PANK1: variants seen among roughly 807,000 people sequenced by gnomAD.
PANK1 encodes the protein pantothenic acid kinase 1.
PANK1 carries 18 observed loss-of-function variants against 40.1 expected under a neutral mutation model. The ratio of observed to expected loss-of-function variants is 0.45; its 90% confidence interval spans 0.31 to 0.67. The LOEUF (loss-of-function observed/expected upper bound fraction) is 0.67, where lower values mean the gene tolerates loss of function less well. Among genes scored for constraint, PANK1 ranks in the 30% least tolerant of loss-of-function variants. PANK1 has a pLI of 0.06. For missense variants in PANK1, 457 were observed against 599.6 expected (o/e 0.76, Z 2.48); for synonymous variants, 242 against 237.7 (o/e 1.02, Z -0.17).
chr10:89,616,269 A>G (rs1845311193), intron 1 of PANK1, among the ~76,000 whole-genome samples: 2 of 152,136 alleles, frequency 1.3e-5, no homozygotes, highest in Non-Finnish European at 2.9e-5. Context: ...TTGAGCAACA[A>G]GTTTTAAAGA....
intron 1 of PANK1, among the ~76,000 whole-genome samples, chr10:89,633,808 C>T (rs755262191): frequency 3.9e-5 from 6 of 152,280 alleles, no homozygotes; most frequent in South Asian, 4.2e-4. Context: ...ATCATTAAAT[C>T]TCAGAGTTCA....
In PANK1 at chr10:89,644,626, ATCC is replaced by A. The variant is rs1842060503; in HGVS notation, c.263_265del (p.Arg88del). ...CGGCCTGTTCTTTCTCCCCGAGTCC[ATCC>A]TCCTCCGCAGCCGGCATTTCTTGGC... On this transcript the variant is annotated inframe_deletion, in exon 1 of 7. Coordinates refer to ENST00000307534, the MANE Select transcript of PANK1 (RefSeq NM_148977.3). 6.3e-7 allele frequency: 1 copy of A among 1,588,030 alleles called. No individual in the cohort carries two copies. The highest frequency in any genetic ancestry group is 1.7e-5 in the Admixed American group (1 of 59,226).
intron 2 of PANK1, among the ~76,000 whole-genome samples, chr10:89,604,837 G>A (rs994770061): frequency 1.3e-5 from 2 of 151,540 alleles, no homozygotes; most frequent in Middle Eastern, 3.2e-3. Flanking sequence ...TGCAAGCTCC[G>A]TCTCCCAGGT....
intron 1 of PANK1, among the ~76,000 whole-genome samples, chr10:89,633,950 C>G (rs1219776678): frequency 6.6e-6 from 1 of 152,018 alleles, no homozygotes; most frequent in Non-Finnish European, 1.5e-5. Context: ...ATCTGGCAGG[C>G]AAGAATATTG....
At chr10:89,608,382 A>G (rs112874367) in intron 2 of PANK1, among the ~76,000 whole-genome samples, 28 of 152,232 alleles carry the variant, frequency 1.8e-4, no homozygotes, top group Middle Eastern at 3.4e-3. Context: ...GAGGGGAGGG[A>G]TGGTGGGAAG....
chr10:89,624,265 C>T (rs979626230), intron 1 of PANK1, among the ~76,000 whole-genome samples: 1 of 152,132 alleles, frequency 6.6e-6, no homozygotes, highest in African/African-American at 2.4e-5. Context: ...TGGCTAGGAC[C>T]TGCCATACTT....
downstream of PANK1, chr10:89,582,302 G>A (rs1030503484): frequency 1.3e-5 from 2 of 152,134 alleles, no homozygotes; most frequent in Admixed American, 1.3e-4. Context: ...TCTAAGAAAA[G>A]TTTCTGTAAT....
In PANK1 at chr10:89,644,700, C is replaced by T. The variant is rs777433368; in HGVS notation, c.192G>A (p.Leu64=). Residue 64 remains leucine, a synonymous_variant, in exon 1 of 7, where the codon CTG becomes CTA. Coordinates refer to ENST00000307534, the MANE Select transcript of PANK1 (RefSeq NM_148977.3). ...SDAAPQRLPL[L]PELQPQPLLP... ...GCAGTGGCTGCGGCTGCAGCTCCGGCAGGAGCGGGAGGCGCTGGGGCGCCG... is the reference window on the plus strand; with the variant it reads ...GCAGTGGCTGCGGCTGCAGCTCCGGTAGGAGCGGGAGGCGCTGGGGCGCCG... The T allele has an allele frequency of 1.4e-5, 22 of 1,545,068 alleles. No individual in the cohort carries two copies. Among genetic ancestry groups the T allele is most frequent in the South Asian group, 1.3e-4 (11 of 84,554 alleles).
At chr10:89,610,539 C>A (rs978331019) in intron 2 of PANK1, among the ~76,000 whole-genome samples, 1 of 152,034 alleles carries the variant, frequency 6.6e-6, no homozygotes, top group African/African-American at 2.4e-5. Flanking sequence ...CCTGCCCTTA[C>A]AGAAACTTAC....
chr10:89,608,071 G>GCCC (rs1254289971), intron 2 of PANK1, among the ~76,000 whole-genome samples: 3 of 143,832 alleles, frequency 2.1e-5, no homozygotes, highest in African/African-American at 7.8e-5. Flanking sequence ...TGGCCTCGTC[G>GCCC]CCCCGGCTGG....
At chr10:89,644,032 C>T (rs547923423) in intron 1 of PANK1, 1 of 340,452 alleles carries the variant, frequency 2.9e-6, no homozygotes, top group Admixed American at 4.6e-5. Flanking sequence ...CCAAAAAACC[C>T]TCTCATTGGC....
chr10:89,585,218 G>A (rs1308099965), intron 6 of PANK1, among the ~76,000 whole-genome samples: 1 of 152,116 alleles, frequency 6.6e-6, no homozygotes, highest in Non-Finnish European at 1.5e-5. Flanking sequence ...GAAGGGGCAA[G>A]GGAGCTCCCT....
At chr10:89,595,834 ATATATAT>A (rs1231788968) in intron 3 of PANK1, among the ~76,000 whole-genome samples, 796 of 44,194 alleles carry the variant, frequency 0.018, 19 homozygotes, top group South Asian at 0.053. Flanking sequence ...AAAAAAAAAA[ATATATAT>A]ATATATATAT....
intron 5 of PANK1, among the ~76,000 whole-genome samples, chr10:89,589,564 C>T (rs1232046027): frequency 6.6e-6 from 1 of 152,082 alleles, no homozygotes; most frequent in Non-Finnish European, 1.5e-5. Context: ...TCACTTAGAG[C>T]CAGTTGCTAT....
chr10:89,584,616 A>C, intron 6 of PANK1, 151 bp from the exon 7 acceptor site: 1 of 588,444 alleles, frequency 1.7e-6, no homozygotes, highest in Non-Finnish European at 3.0e-6. Context: ...AACAACTATA[A>C]TTTATTGGAC....
intron 2 of PANK1, among the ~76,000 whole-genome samples, chr10:89,607,405 A>C (rs543471774): frequency 4.0e-4 from 61 of 152,356 alleles, no homozygotes; most frequent in African/African-American, 1.4e-3. Flanking sequence ...CAATTACAAT[A>C]GTGACATCAC....
At chr10:89,644,428 T>C (rs1411510066) in intron 1 of PANK1, among the ~76,000 whole-genome samples, 172 bp downstream of exon 1, 3 of 152,234 alleles carry the variant, frequency 2.0e-5, no homozygotes, top group Admixed American at 6.5e-5. Context: ...CTGTAGTGCT[T>C]GATGTCCCCT....
downstream of PANK1, chr10:89,581,742 CCT>C (rs563356663): frequency 6.6e-4 from 100 of 152,340 alleles, no homozygotes; most frequent in African/African-American, 2.4e-3. Context: ...ACTTAACACC[CCT>C]GTCAGAGTCA....
intron 1 of PANK1, chr10:89,643,613 C>T: frequency 9.3e-7 from 1 of 1,079,780 alleles, no homozygotes; most frequent in Admixed American, 2.1e-5. Flanking sequence ...CACAGAAATC[C>T]AAAACCTACT....
Sources: gnomAD v4.1 joint callset for allele counts (sites outside exome capture counted in the v4.1 genomes callset) on GRCh38, gnomAD v4.1.1 for gene constraint, MANE v1.5 for transcripts, NCBI Gene and HGNC (gene_info 2026-07-23, HGNC 2026-07-21) for gene names.